The following MAGI2 variants were observed in gnomAD, a reference collection of about 807,000 sequenced individuals.
MAGI2 encodes the protein membrane associated guanylate kinase, WW and PDZ domain containing 2.
In MAGI2, 35 loss-of-function variants were observed where a neutral mutation model predicts 133.3. That is an observed-to-expected ratio of 0.26 (90% CI 0.20 to 0.35). The LOEUF is 0.35. MAGI2 is among the 10% of genes least tolerant of loss of function. The pLI is 1.00. For synonymous variants in MAGI2, 729 were observed against 710.6 expected (o/e 1.03, Z -0.41); for missense variants, 1,636 against 1,863.4 (o/e 0.88, Z 2.25).
intron 3 of MAGI2, among the ~76,000 whole-genome samples, chr7:78,542,947 A>T (rs12154633): frequency 6.6e-6 from 1 of 152,234 alleles, no homozygotes; most frequent in Non-Finnish European, 1.5e-5. Context: ...GCATGTGTGT[A>T]TGTGAGAGAT....
intron 6 of MAGI2, among the ~76,000 whole-genome samples, chr7:78,479,720 T>C (rs1211071821): frequency 6.6e-6 from 1 of 151,674 alleles, no homozygotes; most frequent in African/African-American, 2.4e-5. Flanking sequence ...AGGATAAACA[T>C]AAATATAGGC....
At chr7:78,458,929 G>C (rs1262286184) in intron 6 of MAGI2, among the ~76,000 whole-genome samples, 2 of 152,050 alleles carry the variant, frequency 1.3e-5, no homozygotes, top group Non-Finnish European at 2.9e-5. Flanking sequence ...CCACTGGGCC[G>C]GGCTCATTAC....
At chr7:78,830,701 A>G (rs975443146) in intron 2 of MAGI2, among the ~76,000 whole-genome samples, 6 of 152,214 alleles carry the variant, frequency 3.9e-5, no homozygotes, top group Non-Finnish European at 7.3e-5. Flanking sequence ...CTTGGAACTT[A>G]GAGTGTGATT....
At chr7:78,580,272 A>C (rs1009434544) in intron 3 of MAGI2, among the ~76,000 whole-genome samples, 13 of 152,210 alleles carry the variant, frequency 8.5e-5, no homozygotes, top group African/African-American at 3.1e-4. Context: ...TCATGTACCC[A>C]TTTAAGAGAG....
intron 3 of MAGI2, among the ~76,000 whole-genome samples, chr7:78,556,254 G>T (rs899938944): frequency 6.6e-6 from 1 of 152,134 alleles, no homozygotes; most frequent in Admixed American, 6.5e-5. Context: ...CTTATGGTTA[G>T]GGGCAAAACA....
At chr7:78,696,821 T>C (rs750233756) in intron 2 of MAGI2, among the ~76,000 whole-genome samples, 2 of 152,184 alleles carry the variant, frequency 1.3e-5, no homozygotes, top group Non-Finnish European at 2.9e-5. Context: ...TTCATTCTTC[T>C]TTGAGATTTA....
chr7:78,543,105 G>A (rs1293216054), intron 3 of MAGI2, among the ~76,000 whole-genome samples: 1 of 152,182 alleles, frequency 6.6e-6, no homozygotes, highest in African/African-American at 2.4e-5. Flanking sequence ...TCTTTTGGAG[G>A]TTGATGTAAT....
intron 2 of MAGI2, among the ~76,000 whole-genome samples, chr7:78,973,221 A>G (rs896052633): frequency 3.3e-5 from 5 of 151,922 alleles, no homozygotes; most frequent in African/African-American, 1.2e-4. Context: ...TTTTCAAAGC[A>G]CACAATTAGA....
intron 2 of MAGI2, among the ~76,000 whole-genome samples, chr7:78,865,050 T>C (rs1794442948): frequency 6.6e-6 from 1 of 152,214 alleles, no homozygotes; most frequent in Admixed American, 6.5e-5. Context: ...GGCCTAGTGC[T>C]GTCAGGAGAG....
intron 1 of MAGI2, among the ~76,000 whole-genome samples, chr7:79,360,577 G>A (rs1208842402): frequency 6.6e-6 from 1 of 151,748 alleles, no homozygotes; most frequent in Non-Finnish European, 1.5e-5. Flanking sequence ...TTAAAAGCGG[G>A]GTAGGAAAAG....
At chr7:78,362,553 T>C (rs1454846568) in intron 7 of MAGI2, among the ~76,000 whole-genome samples, 1 of 152,172 alleles carries the variant, frequency 6.6e-6, no homozygotes, top group African/African-American at 2.4e-5. Flanking sequence ...TCGTGAGGCC[T>C]GATGACTGGT....
At chr7:78,405,360 T>A (rs75304819) in intron 6 of MAGI2, among the ~76,000 whole-genome samples, 2,467 of 152,224 alleles carry the variant, frequency 0.016, 66 homozygotes, top group African/African-American at 0.056. Context: ...AAAATAGTTA[T>A]AAGCCAGATT....
At chr7:78,930,229 G>A (rs1277951138) in intron 2 of MAGI2, among the ~76,000 whole-genome samples, 2 of 152,086 alleles carry the variant, frequency 1.3e-5, no homozygotes, top group African/African-American at 2.4e-5. Context: ...AGCTCAGTAA[G>A]TATTTTGATT....
intron 6 of MAGI2, among the ~76,000 whole-genome samples, chr7:78,426,378 A>T (rs1232371557): frequency 1.3e-5 from 2 of 152,016 alleles, no homozygotes; most frequent in Non-Finnish European, 2.9e-5. Context: ...AACACCGCAT[A>T]TTCTCACTCA....
intron 2 of MAGI2, among the ~76,000 whole-genome samples, chr7:78,925,525 G>A (rs1799628343): frequency 6.6e-6 from 1 of 151,886 alleles, no homozygotes. Flanking sequence ...GTGGCCTAGG[G>A]GACTCCTGTA....
intron 2 of MAGI2, among the ~76,000 whole-genome samples, chr7:78,779,141 C>T (rs745716841): frequency 1.9e-4 from 29 of 152,098 alleles, no homozygotes; most frequent in Admixed American, 1.8e-3. Flanking sequence ...CTCCTGACCT[C>T]GTTATCTGCC....
chr7:79,451,076 A>G (rs779824988), intron 1 of MAGI2, among the ~76,000 whole-genome samples: 1 of 152,206 alleles, frequency 6.6e-6, no homozygotes, highest in Admixed American at 6.5e-5. Context: ...CATCTATAAT[A>G]CACAATAATC....
chr7:78,601,416 C>T (rs1805194253), intron 3 of MAGI2, among the ~76,000 whole-genome samples: 1 of 152,046 alleles, frequency 6.6e-6, no homozygotes, highest in Non-Finnish European at 1.5e-5. Context: ...TTTTTTTCTT[C>T]ATAAGAATGT....
chr7:79,392,266 C>T (rs933551054), intron 1 of MAGI2, among the ~76,000 whole-genome samples: 1 of 152,108 alleles, frequency 6.6e-6, no homozygotes, highest in Non-Finnish European at 1.5e-5. Flanking sequence ...GATTGACAGG[C>T]CTTTGGGTTG....
Sources: allele counts gnomAD v4.1 joint callset (sites outside exome capture counted in the v4.1 genomes callset), GRCh38; gene constraint gnomAD v4.1.1; transcripts MANE v1.5; gene names NCBI Gene and HGNC (gene_info 2026-07-23, HGNC 2026-07-21).